ITIH5: variants seen among roughly 807,000 people sequenced by gnomAD.
The protein encoded by ITIH5 is inter-alpha-trypsin inhibitor heavy chain H5.
ITIH5 carries 65 observed loss-of-function variants against 77.5 expected under a neutral mutation model. That is an observed-to-expected ratio of 0.84 (90% CI 0.69 to 1.03). ITIH5 has a LOEUF of 1.03. ITIH5 is among the 50% of genes least tolerant of loss of function. ITIH5 has a pLI of 0.00. For synonymous variants in ITIH5, 525 were observed against 494.3 expected, an observed-to-expected ratio of 1.06 and a Z score of -0.82; for missense variants, 1,208 against 1,213.1, an observed-to-expected ratio of 1.00 and a Z score of 0.06.
At chr10:7,602,582 C>T (rs1400467373) in intron 7 of ITIH5, among the ~76,000 whole-genome samples, 1 of 152,182 alleles carries the variant, frequency 6.6e-6, no homozygotes, top group Non-Finnish European at 1.5e-5. Flanking sequence ...TCCTGCTTCT[C>T]CTTTGCCTTC....
chr10:7,597,209 C>CA (rs1832921702), intron 7 of ITIH5, among the ~76,000 whole-genome samples: 1 of 151,988 alleles, frequency 6.6e-6, no homozygotes, highest in Non-Finnish European at 1.5e-5. Flanking sequence ...AGTGACAAGT[C>CA]AGCCTTTGTC....
chr10:7,658,986 G>C (rs1476131431), intron 1 of ITIH5, among the ~76,000 whole-genome samples: 3 of 152,168 alleles, frequency 2.0e-5, no homozygotes, highest in African/African-American at 4.8e-5. Flanking sequence ...CCCTGGACTA[G>C]AGGAGGAAGT....
chr10:7,613,389 G>A (rs1931901), intron 7 of ITIH5, among the ~76,000 whole-genome samples: 59,939 of 152,032 alleles, frequency 0.39, 12,445 homozygotes, highest in East Asian at 0.52. Context: ...TCACTTTGGT[G>A]TAACAAAAAC....
chr10:7,644,786 A>C (rs1296867951), intron 2 of ITIH5, among the ~76,000 whole-genome samples: 1 of 140,630 alleles, frequency 7.1e-6, no homozygotes, highest in African/African-American at 2.7e-5. Flanking sequence ...TATCACATAT[A>C]TATCATATAT....
rs749022764 is a variant in ITIH5, at chr10:7,586,029, G to A, written c.980C>T (p.Pro327Leu). The A allele has an allele frequency of 6.2e-7, 1 of 1,613,904 alleles. No individual in the cohort carries two copies. Among genetic ancestry groups the A allele is most frequent in the Admixed American group, 1.7e-5 (1 of 59,982 alleles). ...ALFTILHDLR[P>L]QDRFSIIGFS... is the part of the protein sequence containing the mutation. ...TCCAATGATACTGAAACGGTCCTGGGGTCGGAGGTCATGGAGAATTGTGAA... is the reference window on the plus strand; with the variant it reads ...TCCAATGATACTGAAACGGTCCTGGAGTCGGAGGTCATGGAGAATTGTGAA... The change falls in exon 8 of 14, where the codon CCC becomes CTC. Residue 327 changes from proline to leucine, a missense_variant. Coordinates refer to ENST00000397146, the MANE Select transcript of ITIH5 (RefSeq NM_030569.7).
intron 7 of ITIH5, among the ~76,000 whole-genome samples, chr10:7,604,176 T>A (rs529249516): frequency 2.0e-5 from 3 of 152,180 alleles, no homozygotes; most frequent in African/African-American, 7.2e-5. Context: ...TTGGGTCCCA[T>A]GGTTATAAGG....
At chr10:7,572,324 A>T in intron 11 of ITIH5, 1 of 1,367,628 alleles carries the variant, frequency 7.3e-7, no homozygotes, top group South Asian at 1.1e-5. Context: ...AATTTTTATT[A>T]TAGTTCCAGG....
intron 1 of ITIH5, among the ~76,000 whole-genome samples, chr10:7,659,219 A>G (rs1377300082): frequency 6.6e-6 from 1 of 152,028 alleles, no homozygotes; most frequent in African/African-American, 2.4e-5. Context: ...TCTGTTTTAA[A>G]AAGACAAAAA....
At chr10:7,582,263 G>A (rs1832581149) in intron 8 of ITIH5, among the ~76,000 whole-genome samples, 1 of 152,166 alleles carries the variant, frequency 6.6e-6, no homozygotes, top group South Asian at 2.1e-4. Flanking sequence ...GTTGGGGCCT[G>A]TGTCTTTGAT....
chr10:7,584,890 A>G lies in ITIH5; in HGVS notation c.1108+1011T>C, dbSNP rs1236614682. On this transcript the variant is annotated intron_variant, in intron 8 of 13. Coordinates refer to ENST00000397146, the MANE Select transcript of ITIH5 (RefSeq NM_030569.7). ...CCCATCAAACACCAAAACAGTTCCT[A>G]GATTATACTGTTTGGGAGGCTAGTA... Among the ~76,000 whole-genome samples the G allele has an allele frequency of 2.6e-5, 4 of 152,310 alleles. No homozygotes were observed. In the East Asian group the frequency reaches 7.7e-4, roughly 29 times the overall value.
At chr10:7,611,199 C>T (rs1833237580) in intron 7 of ITIH5, among the ~76,000 whole-genome samples, 1 of 152,262 alleles carries the variant, frequency 6.6e-6, no homozygotes, top group South Asian at 2.1e-4. Context: ...GCCAACTTAT[C>T]TACCTTTGCA....
At chr10:7,657,401 C>T (rs1834206251) in intron 1 of ITIH5, among the ~76,000 whole-genome samples, 1 of 151,960 alleles carries the variant, frequency 6.6e-6, no homozygotes. Flanking sequence ...CTGTAACATT[C>T]TGCATTCCCA....
chr10:7,640,626 A>G, intron 4 of ITIH5, 128 bp downstream of exon 4: 1 of 632,944 alleles, frequency 1.6e-6, no homozygotes, highest in Non-Finnish European at 2.8e-6. Flanking sequence ...ATGTATTTAT[A>G]TTTTGATAAA....
chr10:7,641,098 C>T (rs1833878423), intron 3 of ITIH5, among the ~76,000 whole-genome samples: 1 of 152,220 alleles, frequency 6.6e-6, no homozygotes. Context: ...AGAAAAGTCA[C>T]AAGATCTGCT....
chr10:7,655,155 C>G (rs1366296462), intron 2 of ITIH5, among the ~76,000 whole-genome samples: 1 of 152,084 alleles, frequency 6.6e-6, no homozygotes, highest in Non-Finnish European at 1.5e-5. Context: ...TAAGGAAGAA[C>G]TGAGGTAGTT....
At chr10:7,579,324 G>A (rs1421958090) in intron 9 of ITIH5, among the ~76,000 whole-genome samples, 5 of 152,180 alleles carry the variant, frequency 3.3e-5, no homozygotes, top group Non-Finnish European at 5.9e-5. Flanking sequence ...TCAGGAGTTC[G>A]AGACCAGCCT....
At chr10:7,565,885 C>T in intron 13 of ITIH5, 145 bp downstream of exon 13, 1 of 997,166 alleles carries the variant, frequency 1.0e-6, no homozygotes, top group Non-Finnish European at 1.5e-6. Flanking sequence ...CACATACATA[C>T]ATACATATGC....
chr10:7,572,771 C>CTT (rs528912890), intron 11 of ITIH5: 3,128 of 88,128 alleles, frequency 0.035, 276 homozygotes, highest in African/African-American at 0.067. Flanking sequence ...TGGTTTTACA[C>CTT]TTTTTTTTTT....
Position 7,562,526 on chromosome 10 carries a change from C to T in ITIH5, c.*557G>A, listed in dbSNP as rs568224986. 6.5e-6 allele frequency: 1 copy of T among 154,370 alleles called. No individual in the cohort carries two copies. Among genetic ancestry groups the T allele is most frequent in the Admixed American group, 6.3e-5 (1 of 15,752 alleles). The allele number at this position is 154,370 out of a possible 1,614,324, so 9.6% of individuals were successfully genotyped here. On this transcript the variant is annotated 3_prime_UTR_variant, in exon 14 of 14. Transcript: ENST00000397146. ...TTGCAAGAAAAGACTTCATGGTTTACAACGATCAAATGTATGGGCTATTTG... is the reference window on the plus strand; with the variant it reads ...TTGCAAGAAAAGACTTCATGGTTTATAACGATCAAATGTATGGGCTATTTG...
Sources: allele counts gnomAD v4.1 joint callset (sites outside exome capture counted in the v4.1 genomes callset), GRCh38; gene constraint gnomAD v4.1.1; transcripts MANE v1.5; gene names NCBI Gene and HGNC (gene_info 2026-07-23, HGNC 2026-07-21).